FLRT2: variants seen among roughly 807,000 people sequenced by gnomAD.
FLRT2 encodes the protein leucine-rich repeat transmembrane protein FLRT2.
A neutral mutation model predicts 40.0 loss-of-function variants in FLRT2; 15 were observed. That is an observed-to-expected ratio of 0.38 (90% confidence interval 0.25 to 0.58). The LOEUF (loss-of-function observed/expected upper bound fraction) is 0.58. Ranked by LOEUF, FLRT2 falls within the 20% of genes least tolerant of loss-of-function variation. The pLI, the probability that FLRT2 is intolerant of heterozygous loss-of-function variation, is 0.71. For missense variants in FLRT2, 726 were observed against 840.0 expected (o/e 0.86, Z 1.68); for synonymous variants, 380 against 336.8 (o/e 1.13, Z -1.41).
chr14:85,591,705 A>G (rs1311641936), intron 1 of FLRT2, among the ~76,000 whole-genome samples: 2 of 152,174 alleles, frequency 1.3e-5, no homozygotes, highest in African/African-American at 4.8e-5. Flanking sequence ...TAGCCATCAA[A>G]TTGCTTTTGC....
In FLRT2 at chr14:85,622,355, C is replaced by G. The variant is rs980385084; in HGVS notation, c.841C>G (p.Leu281Val). ...CTCAAATCTGCGTAAGCTGGAACGG[C>G]TGGATATATCCAACAACCAACTGCG... ...AFSNLRKLERLDISNNQLRML... is the reference protein window; with the variant it reads ...AFSNLRKLERVDISNNQLRML... Residue 281 changes from leucine (L) to valine (V), a missense_variant, in exon 2 of 2, where the codon CTG (leucine) becomes GTG (valine). Around this residue, in one of 3 missense-constraint regions of FLRT2, gnomAD observed 611 missense variants for 690.0 expected, o/e 0.89. Coordinates refer to ENST00000330753, the MANE Select transcript of FLRT2 (RefSeq NM_013231.6). 9 of 1,614,068 alleles carry G rather than the reference C, an allele frequency of 5.6e-6. No homozygotes were observed. Among genetic ancestry groups the G allele is most frequent in the African/African-American group, 5.3e-5 (4 of 74,926 alleles).
At chr14:85,586,347 C>G (rs966584426) in intron 1 of FLRT2, among the ~76,000 whole-genome samples, 2 of 151,970 alleles carry the variant, frequency 1.3e-5, no homozygotes. Flanking sequence ...AGTTTTCTTA[C>G]GTACTCTGCT....
intron 1 of FLRT2, among the ~76,000 whole-genome samples, chr14:85,554,453 C>T (rs570659013): frequency 1.3e-5 from 2 of 152,120 alleles, no homozygotes; most frequent in Non-Finnish European, 1.5e-5. Context: ...TAAGTGCCAG[C>T]GGACTACAGA....
intron 1 of FLRT2, among the ~76,000 whole-genome samples, chr14:85,564,271 G>A (rs1480163679): frequency 2.0e-5 from 3 of 152,138 alleles, no homozygotes; most frequent in Non-Finnish European, 4.4e-5. Context: ...GTATTGCTTG[G>A]ATTGGCTTCA....
intron 1 of FLRT2, among the ~76,000 whole-genome samples, chr14:85,595,657 C>T (rs1892105271): frequency 6.6e-6 from 1 of 152,120 alleles, no homozygotes; most frequent in Non-Finnish European, 1.5e-5. Flanking sequence ...TAATGTCCTG[C>T]TTTTATCCAC....
chr14:85,589,581 T>C (rs1891789317), intron 1 of FLRT2, among the ~76,000 whole-genome samples: 2 of 152,184 alleles, frequency 1.3e-5, no homozygotes, highest in African/African-American at 4.8e-5. Context: ...ACCTTGTGGA[T>C]TGTTTCCTTT....
At chr14:85,543,264 AT>A (rs1468127651) in intron 1 of FLRT2, among the ~76,000 whole-genome samples, 1 of 151,860 alleles carries the variant, frequency 6.6e-6, no homozygotes, top group South Asian at 2.1e-4. Context: ...AGTTTTTAGA[AT>A]TTTTTTTCTG....
chr14:85,600,160 G>T (rs1355904457), intron 1 of FLRT2, among the ~76,000 whole-genome samples: 1 of 152,206 alleles, frequency 6.6e-6, no homozygotes, highest in Non-Finnish European at 1.5e-5. Context: ...GCGATAAGAG[G>T]AAGTAGTAGG....
In FLRT2 at chr14:85,651,131, TCTTTTTTGA is replaced by T. The variant is rs891539706; in HGVS notation, c.*27635_*27643del. The T allele has an allele frequency of 6.6e-6, 1 of 151,878 alleles. No homozygotes were observed. The highest frequency in any genetic ancestry group is 2.4e-5 in the African/African-American group (1 of 41,448). The allele number at this position is 151,878 out of a possible 1,614,324, so 9.4% of individuals were successfully genotyped here. The stretch of plus-strand genomic sequence containing the variant: ...GCTTTAAACTTTTCTAATTCAATTA[TCTTTTTTGA>T]TTAATCAATTGTTTAGGATAATGTC... On this transcript the variant is annotated 3_prime_UTR_variant, in exon 2 of 2. Coordinates refer to ENST00000330753, the MANE Select transcript of FLRT2 (RefSeq NM_013231.6).
At chr14:85,604,104 T>C (rs996316196) in intron 1 of FLRT2, among the ~76,000 whole-genome samples, 4 of 152,174 alleles carry the variant, frequency 2.6e-5, no homozygotes, top group Non-Finnish European at 5.9e-5. Context: ...TCTTACTAGT[T>C]AGTGAAAACA....
chr14:85,583,297 G>T (rs1891472181), intron 1 of FLRT2, among the ~76,000 whole-genome samples: 1 of 152,146 alleles, frequency 6.6e-6, no homozygotes, highest in African/African-American at 2.4e-5. Context: ...TAATGGAAAA[G>T]AATAGGTAAA....
At chr14:85,575,621 T>C (rs188795916) in intron 1 of FLRT2, among the ~76,000 whole-genome samples, 3 of 152,242 alleles carry the variant, frequency 2.0e-5, no homozygotes, top group East Asian at 1.9e-4. Context: ...AAAAGGAGCA[T>C]TGGAAATCCT....
At chr14:85,600,182 G>A (rs1024990724) in intron 1 of FLRT2, among the ~76,000 whole-genome samples, 1 of 152,178 alleles carries the variant, frequency 6.6e-6, no homozygotes, top group African/African-American at 2.4e-5. Context: ...GGCAGCATAG[G>A]CCTCTTTACT....
chr14:85,557,372 T>C (rs369206516), intron 1 of FLRT2, among the ~76,000 whole-genome samples: 1 of 152,090 alleles, frequency 6.6e-6, no homozygotes, highest in African/African-American at 2.4e-5. Context: ...TAACCGAGTA[T>C]TGAAGTGTTG....
At chr14:85,614,436 A>G (rs1893032682) in intron 1 of FLRT2, among the ~76,000 whole-genome samples, 1 of 152,182 alleles carries the variant, frequency 6.6e-6, no homozygotes, top group Non-Finnish European at 1.5e-5. Flanking sequence ...GCTGTTAGGG[A>G]ATGGAAGTGC....
rs1189396907 is a variant in FLRT2, at chr14:85,621,956, G to A, written c.442G>A (p.Val148Met). The A allele has an allele frequency of 4.4e-6, 7 of 1,601,512 alleles. No homozygotes were observed. The highest frequency in any genetic ancestry group is 1.1e-5 in the South Asian group (1 of 88,428). Residue 148 changes from valine (V) to methionine (M), a missense_variant, in exon 2 of 2, where the codon GTG (valine) becomes ATG (methionine). This residue lies in a region of FLRT2 where 611 missense variants were observed against 690.0 expected (regional missense o/e 0.89). Transcript: ENST00000330753. The part of the protein sequence containing the change: ...LHLDDNSIST[V>M]GVEDGAFREA... ...CCTGGATGACAACTCCATATCCACA[G>A]TGGGGGTGGAAGACGGGGCCTTCCG...
intron 1 of FLRT2, among the ~76,000 whole-genome samples, chr14:85,564,002 T>G (rs1410711231): frequency 6.6e-6 from 1 of 152,156 alleles, no homozygotes; most frequent in African/African-American, 2.4e-5. Flanking sequence ...CCCCTACATT[T>G]GACACTTACG....
chr14:85,570,077 T>C (rs1955423), intron 1 of FLRT2, among the ~76,000 whole-genome samples: 142,361 of 152,104 alleles, frequency 0.94, 66,766 homozygotes, highest in African/African-American at 0.99. Flanking sequence ...TCTCCACCAT[T>C]CTGTTCTCCA....
chr14:85,651,084 T>C lies in FLRT2; in HGVS notation c.*27587T>C, dbSNP rs1202620565. The C allele has an allele frequency of 6.6e-5, 10 of 152,156 alleles. No individual in the cohort carries two copies. Among genetic ancestry groups the C allele is most frequent in the Non-Finnish European group, 1.5e-4 (10 of 68,014 alleles). 9.4% of individuals were successfully genotyped at this position (152,156 alleles called of 1,614,324 possible). A position where few individuals can be genotyped will look rare whatever the true frequency, so the allele number is the denominator to read the frequency against. Reference sequence around the variant, plus strand: ...TAGCTGCCTCCCTCAATCTTTTATATGTAATTTTAAGTTAATATTCAGCTT... The same window carrying C: ...TAGCTGCCTCCCTCAATCTTTTATACGTAATTTTAAGTTAATATTCAGCTT... On this transcript the variant is annotated 3_prime_UTR_variant, in exon 2 of 2. Transcript: ENST00000330753.
Sources: gnomAD v4.1 joint callset for allele counts (sites outside exome capture counted in the v4.1 genomes callset) on GRCh38, gnomAD v4.1.1 for gene constraint, gnomAD v4.1.1 regional missense constraint, MANE v1.5 for transcripts, NCBI Gene and HGNC (gene_info 2026-07-23, HGNC 2026-07-21) for gene names.